The following LIPG variants were observed in gnomAD, a reference collection of about 807,000 sequenced individuals.
The protein encoded by LIPG is endothelial lipase.
A neutral mutation model predicts 51.8 loss-of-function variants in LIPG; 34 were observed. The ratio of observed to expected loss-of-function variants is 0.66; its 90% CI spans 0.50 to 0.87. The LOEUF (loss-of-function observed/expected upper bound fraction) is 0.87, where lower values mean the gene tolerates loss of function less well. Ranked by LOEUF, LIPG falls within the 40% of genes least tolerant of loss-of-function variation. LIPG has a pLI of 0.00. For synonymous variants in LIPG, 246 were observed against 246.1 expected (o/e 1.00, Z 0.00); for missense variants, 580 against 652.7 (o/e 0.89, Z 1.21).
intron 9 of LIPG, among the ~76,000 whole-genome samples, chr18:49,588,703 C>A (rs1416716859): frequency 6.6e-6 from 1 of 152,108 alleles, no homozygotes; most frequent in South Asian, 2.1e-4. Flanking sequence ...ATGCTGCAAT[C>A]CGTTATTTCA....
chr18:49,566,622 C>T (rs986856216), intron 2 of LIPG, among the ~76,000 whole-genome samples: 5 of 152,016 alleles, frequency 3.3e-5, no homozygotes, highest in East Asian at 1.9e-4. Context: ...TTTGGGATTC[C>T]GGGGACAGAT....
rs1199793689 is a variant in LIPG at position 49,590,848 on chromosome 18, G to A, written c.*326G>A. 2 of 451,776 alleles carry A rather than the reference G, an allele frequency of 4.4e-6. No individual in the cohort carries two copies. The highest frequency in any genetic ancestry group is 4.4e-5 in the East Asian group (1 of 22,802). The allele number at this position is 451,776 out of a possible 1,614,324, so 28.0% of individuals were successfully genotyped here. ...TGGATTGGTTTCTCAGTTGCTGGGCGAGCCTGTACTCTGCCTGACGAGGAA... is the reference window on the plus strand; with the variant it reads ...TGGATTGGTTTCTCAGTTGCTGGGCAAGCCTGTACTCTGCCTGACGAGGAA... On this transcript the variant is annotated 3_prime_UTR_variant, in exon 10 of 10. Coordinates refer to ENST00000261292, the MANE Select transcript of LIPG (RefSeq NM_006033.4).
At position 49,581,601 on chromosome 18, in the gene LIPG, G is replaced by T; in HGVS notation, c.980G>T (p.Arg327Met). Residue 327 changes from arginine (R) to methionine (M), a missense_variant, in exon 6 of 10, where the codon AGG (arginine) becomes ATG (methionine). Physicochemically the swap from Arg to Met is moderately conservative, Grantham distance 91. Transcript: ENST00000261292. ...NSIGYNAKKM[R>M]NKRNSKMYLK... ...ATTGGCTACAATGCCAAGAAAATGA[G>T]GAACAAGAGGAACAGCAAAATGTAC... The T allele has an allele frequency of 2.5e-6, 4 of 1,614,192 alleles. No homozygotes were observed. Among genetic ancestry groups the T allele is most frequent in the South Asian group, 2.2e-5 (2 of 91,080 alleles).
At chr18:49,563,332 GTCTCA>G (rs1185378213) in intron 1 of LIPG, among the ~76,000 whole-genome samples, 1 of 152,168 alleles carries the variant, frequency 6.6e-6, no homozygotes, top group Non-Finnish European at 1.5e-5. Context: ...CCTAGGGCAG[GTCTCA>G]TCTCTGGCTC....
chr18:49,582,634 C>T, intron 7 of LIPG, 152 bp downstream of exon 7: 1 of 958,924 alleles, frequency 1.0e-6, no homozygotes, highest in Non-Finnish European at 1.6e-6. Flanking sequence ...CTGGCCTCTG[C>T]AGTCCTCTCT....
chr18:49,591,065 T>G lies in LIPG; in HGVS notation c.*543T>G, dbSNP rs2084938806. On this transcript the variant is annotated 3_prime_UTR_variant, in exon 10 of 10. Transcript: ENST00000261292. ...TGCTTACGTCTTAGCCATTCCGTCC[T>G]GCTCCCCAGCTCACTCTCTGAAGCA... 1 of 178,848 alleles carries G rather than the reference T, an allele frequency of 5.6e-6. No homozygotes were observed. Among genetic ancestry groups the G allele is most frequent in the African/African-American group, 2.4e-5 (1 of 42,482 alleles). The allele number at this position is 178,848 out of a possible 1,614,324, so 11.1% of individuals were successfully genotyped here. A position where few individuals can be genotyped will look rare whatever the true frequency, so the allele number is the denominator to read the frequency against.
intron 4 of LIPG, among the ~76,000 whole-genome samples, chr18:49,573,312 G>C (rs1452845443): frequency 6.6e-6 from 1 of 152,220 alleles, no homozygotes; most frequent in Non-Finnish European, 1.5e-5. Flanking sequence ...GGTTGTCGTG[G>C]GCTGTTCTGG....
rs1378064643 is a variant in LIPG at position 49,592,435 on chromosome 18, A to G, written c.*1913A>G. The stretch of plus-strand genomic sequence containing the variant: ...GGACCCGAGCCTAAACACAAAATTC[A>G]TTGATGTGTCAGTTACACCTTATCC... On this transcript the variant is annotated 3_prime_UTR_variant, in exon 10 of 10. Transcript: ENST00000261292. 6.6e-6 allele frequency: 1 copy of G among 152,260 alleles called. No individual in the cohort carries two copies. The highest frequency in any genetic ancestry group is 1.5e-5 in the Non-Finnish European group (1 of 68,052). The allele number at this position is 152,260 out of a possible 1,614,324, so 9.4% of individuals were successfully genotyped here.
intron 4 of LIPG, among the ~76,000 whole-genome samples, chr18:49,573,230 C>T (rs1165633330): frequency 2.0e-5 from 3 of 152,330 alleles, no homozygotes; most frequent in African/African-American, 7.2e-5. Context: ...TTTCTCTTTC[C>T]TCCAGGGGAC....
chr18:49,567,628 G>A lies in LIPG; in HGVS notation c.459+7G>A. 21 of 1,613,442 alleles carry A rather than the reference G, an allele frequency of 1.3e-5. No individual in the cohort carries two copies. The highest frequency in any genetic ancestry group is 1.8e-5 in the Non-Finnish European group (21 of 1,179,866). Reference sequence around the variant, plus strand: ...GATGCTCGACTGGCTGCAGGTACTGGGGGATGAGAGGGAGTCTCCTGTCAC... The same window carrying A: ...GATGCTCGACTGGCTGCAGGTACTGAGGGATGAGAGGGAGTCTCCTGTCAC... On this transcript the variant is annotated splice_region_variant and intron_variant, in intron 3 of 9. Coordinates refer to ENST00000261292, the MANE Select transcript of LIPG (RefSeq NM_006033.4).
At chr18:49,573,241 A>G (rs760229733) in intron 4 of LIPG, among the ~76,000 whole-genome samples, 95 of 152,310 alleles carry the variant, frequency 6.2e-4, no homozygotes, top group African/African-American at 2.2e-3. Flanking sequence ...TCCAGGGGAC[A>G]TGGTGAGAGG....
chr18:49,563,615 G>C (rs1453788472), intron 1 of LIPG, among the ~76,000 whole-genome samples: 1 of 151,628 alleles, frequency 6.6e-6, no homozygotes, highest in Non-Finnish European at 1.5e-5. Context: ...AAGCAGAGGA[G>C]GAAGGTGGGG....
chr18:49,591,172 G>T lies in LIPG; in HGVS notation c.*650G>T. On this transcript the variant is annotated 3_prime_UTR_variant, in exon 10 of 10. Coordinates refer to ENST00000261292, the MANE Select transcript of LIPG (RefSeq NM_006033.4). Reference sequence around the variant, plus strand: ...GAACACTTAAAATTAATTAGAATGTGGTAATGGACATATTACTGAGCCTCT... The same window carrying T: ...GAACACTTAAAATTAATTAGAATGTTGTAATGGACATATTACTGAGCCTCT... 1 of 161,256 alleles carries T rather than the reference G, an allele frequency of 6.2e-6. No individual in the cohort carries two copies. The highest frequency in any genetic ancestry group is 1.4e-5 in the Non-Finnish European group (1 of 72,748). 10.0% of individuals were successfully genotyped at this position (161,256 alleles called of 1,614,324 possible). A position where few individuals can be genotyped will look rare whatever the true frequency, so the allele number is the denominator to read the frequency against.
intron 4 of LIPG, among the ~76,000 whole-genome samples, chr18:49,569,992 T>A (rs1396791257): frequency 1.3e-5 from 2 of 152,238 alleles, no homozygotes; most frequent in African/African-American, 4.8e-5. Flanking sequence ...GATAGAGCCC[T>A]GGCCCCAAAG....
chr18:49,588,369 G>A (rs1000023797), intron 9 of LIPG, among the ~76,000 whole-genome samples: 4 of 147,856 alleles, frequency 2.7e-5, no homozygotes, highest in African/African-American at 5.0e-5. Context: ...TACAACCTCC[G>A]CCTCCCGGGT....
Position 49,583,738 on chromosome 18 carries a change from G to C in LIPG, c.1340G>C (p.Arg447Thr), listed in dbSNP as rs1441124772. The C allele has an allele frequency of 1.2e-6, 2 of 1,613,806 alleles. No homozygotes were observed. The highest frequency in any genetic ancestry group is 1.3e-5 in the African/African-American group (1 of 75,050). Residue 447 changes from arginine to threonine, a missense_variant, in exon 8 of 10, where the codon AGG becomes ACG. Coordinates refer to ENST00000261292, the MANE Select transcript of LIPG (RefSeq NM_006033.4). ...PRNPGRELNI[R>T]RIRVKSGETQ... Reference sequence around the variant, plus strand: ...AACCCCGGACGGGAGCTGAATATCAGGCGCATCCGGGTGAAGTCTGGGGAA... The same window carrying C: ...AACCCCGGACGGGAGCTGAATATCACGCGCATCCGGGTGAAGTCTGGGGAA...
upstream of LIPG, chr18:49,561,567 A>G (rs2084549842): frequency 4.0e-6 from 3 of 750,114 alleles, no homozygotes; most frequent in Non-Finnish European, 5.5e-6. Flanking sequence ...GCTAGGCGGG[A>G]AGGGAGGGAG....
chr18:49,582,835 C>T (rs75728007), intron 7 of LIPG, among the ~76,000 whole-genome samples: 4,923 of 152,332 alleles, frequency 0.032, 244 homozygotes, highest in African/African-American at 0.11. Context: ...CCCTGGACCT[C>T]TCCTAATGAT....
intron 5 of LIPG, among the ~76,000 whole-genome samples, chr18:49,580,444 A>G (rs58801121): frequency 0.041 from 6,238 of 152,230 alleles, 447 homozygotes; most frequent in African/African-American, 0.14. Context: ...ACAATATATA[A>G]ACAAATGAGG....
Sources: gnomAD v4.1 joint callset for allele counts (sites outside exome capture counted in the v4.1 genomes callset) on GRCh38, gnomAD v4.1.1 for gene constraint, MANE v1.5 for transcripts, NCBI Gene and HGNC (gene_info 2026-07-23, HGNC 2026-07-21) for gene names.